The following MCHR2 variants were observed in gnomAD, a reference collection of about 807,000 sequenced individuals.
MCHR2 encodes melanin concentrating hormone receptor 2.
A neutral mutation model predicts 24.8 loss-of-function variants in MCHR2; 15 were observed. That is an observed-to-expected ratio of 0.60 (90% CI 0.40 to 0.93). The LOEUF is 0.93. MCHR2 is among the 40% of genes least tolerant of loss of function. The pLI is 0.00. For synonymous variants in MCHR2, 151 were observed against 147.6 expected (o/e 1.02, Z -0.17); for missense variants, 386 against 408.7 (o/e 0.94, Z 0.48).
chr6:99,927,235 G>T (rs1433284273), intron 5 of MCHR2, among the ~76,000 whole-genome samples: 7 of 152,160 alleles, frequency 4.6e-5, no homozygotes, highest in African/African-American at 1.7e-4. Context: ...TTTGGTTACT[G>T]CAGCCTTGTA....
At chr6:99,923,040 A>G (rs1345896391) in intron 5 of MCHR2, among the ~76,000 whole-genome samples, 1 of 152,030 alleles carries the variant, frequency 6.6e-6, no homozygotes, top group Admixed American at 6.6e-5. Flanking sequence ...ATATCTTTCC[A>G]TTTTTTGGTG....
At chr6:99,934,658 C>G in intron 4 of MCHR2, 141 bp from the exon 5 acceptor site, 1 of 719,894 alleles carries the variant, frequency 1.4e-6, no homozygotes, top group Non-Finnish European at 2.0e-6. Context: ...TGGAAAAGCT[C>G]AAGATCTTTG....
chr6:99,938,659 ATTCTGCAACAGTTGGGTGAAATG>A (rs1203272390), intron 4 of MCHR2, among the ~76,000 whole-genome samples: 1 of 152,062 alleles, frequency 6.6e-6, no homozygotes, highest in African/African-American at 2.4e-5. Context: ...AAGAATTTGC[ATTCTGCAACAGTTGGGTGAAATG>A]TTCTGTAAAT....
At chr6:99,988,632 C>T (rs1003526950) in intron 1 of MCHR2, among the ~76,000 whole-genome samples, 1 of 152,224 alleles carries the variant, frequency 6.6e-6, no homozygotes, top group African/African-American at 2.4e-5. Context: ...AAACTCAGAG[C>T]CACCCAAACT....
intron 2 of MCHR2, among the ~76,000 whole-genome samples, chr6:99,954,583 G>A (rs1185669542): frequency 6.6e-6 from 1 of 152,110 alleles, no homozygotes; most frequent in Non-Finnish European, 1.5e-5. Flanking sequence ...AGCTGGTGCA[G>A]GTGTTCTGGT....
intron 5 of MCHR2, among the ~76,000 whole-genome samples, chr6:99,927,739 G>A (rs1774401269): frequency 6.6e-6 from 1 of 152,104 alleles, no homozygotes; most frequent in Non-Finnish European, 1.5e-5. Flanking sequence ...ATTTTGGACT[G>A]AGACAATGGG....
chr6:99,919,467 C>A lies in MCHR2; in HGVS notation c.*1473G>T, dbSNP rs1028403065. ...GTTGAAAATTGGTTTCAGATGTTTA[C>A]GGAGAAAACAAATTTAATGTATTTA... On this transcript the variant is annotated 3_prime_UTR_variant, in exon 6 of 6. Transcript: ENST00000281806. Among the ~76,000 whole-genome samples, 1 of 152,056 alleles carries A rather than the reference C, an allele frequency of 6.6e-6. No homozygotes were observed. Among genetic ancestry groups the A allele is most frequent in the Non-Finnish European group, 1.5e-5 (1 of 68,000 alleles).
intron 5 of MCHR2, among the ~76,000 whole-genome samples, chr6:99,928,642 T>C (rs1205313658): frequency 1.3e-5 from 2 of 152,224 alleles, no homozygotes; most frequent in Non-Finnish European, 2.9e-5. Flanking sequence ...TTGGTAGTGT[T>C]CTCTGATGGT....
chr6:99,979,510 G>C (rs1176769724), intron 1 of MCHR2, among the ~76,000 whole-genome samples: 3 of 152,064 alleles, frequency 2.0e-5, no homozygotes, highest in Non-Finnish European at 4.4e-5. Context: ...TGAAGACTAA[G>C]TATAAAAAAT....
Position 99,921,010 on chromosome 6 carries a change from G to A in MCHR2, c.953C>T (p.Pro318Leu). The change falls in exon 6 of 6, where the codon CCT becomes CTT. Residue 318 changes from proline to leucine, a missense_variant. Coordinates refer to ENST00000281806, the MANE Select transcript of MCHR2 (RefSeq NM_001040179.2). ...LLSGNFQKRL[P>L]QIQRRATEKE... Reference sequence around the variant, plus strand: ...CTCAGTCGCTCTTCTTTGGATTTGAGGCAGACGTTTCTGGAAATTTCCACT... The same window carrying A: ...CTCAGTCGCTCTTCTTTGGATTTGAAGCAGACGTTTCTGGAAATTTCCACT... 2 of 1,614,182 alleles carry A rather than the reference G, an allele frequency of 1.2e-6. No individual in the cohort carries two copies. Among genetic ancestry groups the A allele is most frequent in the Non-Finnish European group, 1.7e-6 (2 of 1,180,022 alleles).
intron 3 of MCHR2, among the ~76,000 whole-genome samples, chr6:99,946,000 T>G (rs2114526028): frequency 6.6e-6 from 1 of 152,176 alleles, no homozygotes; most frequent in Admixed American, 6.5e-5. Flanking sequence ...AGTAAGAGAT[T>G]TATAGGAGTA....
intron 3 of MCHR2, among the ~76,000 whole-genome samples, chr6:99,943,975 C>T (rs948924799): frequency 2.6e-5 from 4 of 152,146 alleles, no homozygotes; most frequent in African/African-American, 9.7e-5. Flanking sequence ...GGTTCAGGCA[C>T]ATAGAACAAA....
intron 5 of MCHR2, 130 bp downstream of exon 5, chr6:99,934,268 A>G (rs1774605597): frequency 1.1e-6 from 1 of 911,014 alleles, no homozygotes; most frequent in Non-Finnish European, 1.5e-6. Context: ...AATTTTTTCT[A>G]TAGACATATA....
At chr6:99,976,450 G>A (rs1582407198) in intron 1 of MCHR2, among the ~76,000 whole-genome samples, 3 of 152,340 alleles carry the variant, frequency 2.0e-5, no homozygotes, top group African/African-American at 7.2e-5. Flanking sequence ...TGTCCTAGGA[G>A]ATGAAGCATG....
In MCHR2 at chr6:99,980,260, T is replaced by C. The variant is rs941190484; in HGVS notation, c.-28+13676A>G. Among the ~76,000 whole-genome samples, 21 of 152,036 alleles carry C rather than the reference T, an allele frequency of 1.4e-4. 1 individual carries two copies. Among genetic ancestry groups the C allele is most frequent in the Admixed American group, 1.2e-3 (18 of 15,260 alleles). On this transcript the variant is annotated intron_variant, in intron 1 of 5. Coordinates refer to ENST00000281806, the MANE Select transcript of MCHR2 (RefSeq NM_001040179.2). Reference sequence around the variant, plus strand: ...CCACAGTCTCACCTATGGGGATGAGTGAGATGTTTTAAAAGAAGGCAACGT... The same window carrying C: ...CCACAGTCTCACCTATGGGGATGAGCGAGATGTTTTAAAAGAAGGCAACGT...
intron 1 of MCHR2, among the ~76,000 whole-genome samples, chr6:99,966,998 C>T (rs1460918581): frequency 6.6e-6 from 1 of 152,056 alleles, no homozygotes; most frequent in Non-Finnish European, 1.5e-5. Flanking sequence ...TGAACCCATC[C>T]ATCCTGAATA....
At chr6:99,946,764 A>G (rs1230187402) in intron 3 of MCHR2, among the ~76,000 whole-genome samples, 1 of 152,150 alleles carries the variant, frequency 6.6e-6, no homozygotes, top group Non-Finnish European at 1.5e-5. Context: ...AAGAGGATTA[A>G]ATGTGTTGGG....
chr6:99,972,626 C>G lies in MCHR2; in HGVS notation c.-27-16452G>C, dbSNP rs895092930. Among the ~76,000 whole-genome samples, 16 of 152,194 alleles carry G rather than the reference C, an allele frequency of 1.1e-4. 1 individual carries two copies. The South Asian group carries it at 2.1e-3, about 20-fold the overall frequency. ...TAGCTTTTGAATGTGTTTGCTCTTG[C>G]TTTTCTAGTTCTTTTAATTGTGATG... is the stretch of plus-strand genomic sequence containing the variant. On this transcript the variant is annotated intron_variant, in intron 1 of 5. Coordinates refer to ENST00000281806, the MANE Select transcript of MCHR2 (RefSeq NM_001040179.2).
At chr6:99,930,096 G>A (rs1273046474) in intron 5 of MCHR2, among the ~76,000 whole-genome samples, 2 of 151,640 alleles carry the variant, frequency 1.3e-5, no homozygotes, top group Non-Finnish European at 2.9e-5. Flanking sequence ...CTTCACTTAC[G>A]AAGCTTAGTT....
Sources: gnomAD v4.1 joint callset for allele counts (sites outside exome capture counted in the v4.1 genomes callset) on GRCh38, gnomAD v4.1.1 for gene constraint, MANE v1.5 for transcripts, NCBI Gene and HGNC (gene_info 2026-07-23, HGNC 2026-07-21) for gene names.